The following HIRA variants were observed in gnomAD, a reference collection of about 807,000 sequenced individuals.
HIRA encodes protein HIRA.
A neutral mutation model predicts 126.6 loss-of-function variants in HIRA; 13 were observed. The ratio of observed to expected loss-of-function variants is 0.10; its 90% CI spans 0.07 to 0.16. HIRA has a LOEUF of 0.16. Among genes scored for constraint, HIRA ranks in the 10% least tolerant of loss-of-function variants. HIRA has a pLI of 1.00. For missense variants in HIRA, 834 were observed against 1,314.4 expected (o/e 0.63, Z 5.65); for synonymous variants, 511 against 520.0 (o/e 0.98, Z 0.24).
intron 24 of HIRA, among the ~76,000 whole-genome samples, chr22:19,336,967 A>G (rs1164240661): frequency 3.9e-5 from 6 of 152,254 alleles, no homozygotes; most frequent in Admixed American, 3.9e-4. Flanking sequence ...TTCTGGCAAT[A>G]ATGACAAAAC....
chr22:19,369,319 C>G (rs1035831427), intron 15 of HIRA, among the ~76,000 whole-genome samples: 3 of 152,160 alleles, frequency 2.0e-5, no homozygotes, highest in Non-Finnish European at 4.4e-5. Flanking sequence ...TAGGAAGTGC[C>G]AGTCAGGTTG....
At chr22:19,352,887 G>A (rs2088772825) in intron 23 of HIRA, among the ~76,000 whole-genome samples, 1 of 152,246 alleles carries the variant, frequency 6.6e-6, no homozygotes, top group South Asian at 2.1e-4. Flanking sequence ...CTGCAAGGGA[G>A]GCAGCAGAGT....
chr22:19,351,591 G>T lies in HIRA; in HGVS notation c.2849-145C>A. 1.5e-6 allele frequency: 1 copy of T among 654,526 alleles called. No individual in the cohort carries two copies. Among genetic ancestry groups the T allele is most frequent in the Non-Finnish European group, 2.6e-6 (1 of 386,862 alleles). The allele number at this position is 654,526 out of a possible 1,614,324, so 40.5% of individuals were successfully genotyped here. A position where few individuals can be genotyped will look rare whatever the true frequency, so the allele number is the denominator to read the frequency against. On this transcript the variant is annotated intron_variant, in intron 23 of 24. Transcript: ENST00000263208. The surrounding 1 kb of genome is among the most constrained non-coding windows in gnomAD (Gnocchi z 4.8). ...ATGCGTATTTTATTGCCTACTATGG[G>T]CAAGACGCCCCTGCATGTCTCTCAG... is the stretch of plus-strand genomic sequence containing the variant.
chr22:19,353,668 T>C, intron 22 of HIRA, 149 bp from the exon 23 acceptor site: 1 of 835,766 alleles, frequency 1.2e-6, no homozygotes, highest in Middle Eastern at 3.6e-4. Context: ...TGTTGGCAGA[T>C]GCCAGATCTG....
intron 8 of HIRA, 26 bp downstream of exon 8, chr22:19,394,316 C>T (rs756865028): frequency 2.5e-6 from 4 of 1,607,958 alleles, no homozygotes; most frequent in South Asian, 2.2e-5. Flanking sequence ...TGGAGCCCAT[C>T]TCCCTTTAGT....
At chr22:19,369,969 G>T (rs1020314353) in intron 15 of HIRA, among the ~76,000 whole-genome samples, 2 of 152,100 alleles carry the variant, frequency 1.3e-5, no homozygotes. Context: ...CCACTGATGG[G>T]TGTTTTCTTG....
At chr22:19,412,225 C>G (rs1028293695) in intron 1 of HIRA, among the ~76,000 whole-genome samples, 1 of 152,060 alleles carries the variant, frequency 6.6e-6, no homozygotes, top group African/African-American at 2.4e-5. Context: ...TGAAGAGGCC[C>G]AAGCTGGCCA....
intron 1 of HIRA, among the ~76,000 whole-genome samples, chr22:19,418,212 T>G (rs530639376): frequency 2.0e-5 from 3 of 152,156 alleles, no homozygotes; most frequent in African/African-American, 7.2e-5. Context: ...ATGATTAAGA[T>G]AGTAAATTTT....
In HIRA at chr22:19,431,670, C is replaced by T; in HGVS notation, c.-194G>A. 1 of 435,236 alleles carries T rather than the reference C, an allele frequency of 2.3e-6. No individual in the cohort carries two copies. Among genetic ancestry groups the T allele is most frequent in the Non-Finnish European group, 3.5e-6 (1 of 288,980 alleles). 27.0% of individuals were successfully genotyped at this position (435,236 alleles called of 1,614,324 possible). On this transcript the variant is annotated 5_prime_UTR_variant, in exon 1 of 25. Transcript: ENST00000263208. ...GCCACAGCCGCCACCCGCGCTCGGC[C>T]GCCGCCGCCGCCACCACAGCCGCAT...
chr22:19,361,056 G>A (rs2088858789), intron 17 of HIRA, among the ~76,000 whole-genome samples, 181 bp downstream of exon 17: 1 of 152,258 alleles, frequency 6.6e-6, no homozygotes, highest in South Asian at 2.1e-4. Context: ...TGAGAGTGGA[G>A]GCTGGCAATT....
chr22:19,380,521 C>T (rs1008447736), intron 13 of HIRA, among the ~76,000 whole-genome samples: 1 of 152,138 alleles, frequency 6.6e-6, no homozygotes, highest in Admixed American at 6.6e-5. Context: ...GCTTTTAAGT[C>T]TTAATTTCTG....
At chr22:19,388,857 G>C (rs538997775) in intron 9 of HIRA, among the ~76,000 whole-genome samples, 1 of 152,318 alleles carries the variant, frequency 6.6e-6, no homozygotes, top group East Asian at 1.9e-4. Context: ...GGTTTCTGAA[G>C]GGCTATGGTC....
At chr22:19,340,464 G>A (rs897201375) in intron 24 of HIRA, among the ~76,000 whole-genome samples, 2 of 152,060 alleles carry the variant, frequency 1.3e-5, no homozygotes, top group Non-Finnish European at 1.5e-5. Context: ...TAACAGACAA[G>A]GATGCCCACT....
intron 18 of HIRA, among the ~76,000 whole-genome samples, chr22:19,357,463 T>C (rs782631749): frequency 2.0e-5 from 3 of 152,178 alleles, no homozygotes; most frequent in Non-Finnish European, 4.4e-5. Context: ...CAAGGCAGGC[T>C]AAGAGAAGTA....
At chr22:19,385,439 C>A in intron 12 of HIRA, 82 bp downstream of exon 12, 1 of 1,370,600 alleles carries the variant, frequency 7.3e-7, no homozygotes, top group African/African-American at 1.4e-5. Flanking sequence ...CAAACCCCTT[C>A]CTTACCACCA....
chr22:19,423,482 TACACACAC>T (rs777914879), intron 1 of HIRA, among the ~76,000 whole-genome samples: 43 of 111,298 alleles, frequency 3.9e-4, no homozygotes, highest in East Asian at 1.3e-3. Context: ...CACACATGCA[TACACACAC>T]ACACACACAC....
intron 2 of HIRA, among the ~76,000 whole-genome samples, chr22:19,410,356 T>C (rs1229794742): frequency 6.6e-6 from 1 of 152,222 alleles, no homozygotes; most frequent in African/African-American, 2.4e-5. Context: ...CATTCCCTTT[T>C]TTCAGATGAG....
chr22:19,334,778 G>A (rs1459740513), intron 24 of HIRA, among the ~76,000 whole-genome samples: 1 of 152,072 alleles, frequency 6.6e-6, no homozygotes, highest in East Asian at 1.9e-4. Flanking sequence ...CTTATAAGCA[G>A]CATACAGCTG....
chr22:19,424,371 T>C (rs939918447), intron 1 of HIRA, among the ~76,000 whole-genome samples: 2 of 152,196 alleles, frequency 1.3e-5, no homozygotes, highest in Non-Finnish European at 2.9e-5. Flanking sequence ...CTTCTGCTTC[T>C]CACTGAAAAC....
Sources: allele counts gnomAD v4.1 joint callset (sites outside exome capture counted in the v4.1 genomes callset), GRCh38; gene constraint gnomAD v4.1.1; non-coding constraint Gnocchi (gnomAD v3.1); transcripts MANE v1.5; gene names NCBI Gene and HGNC (gene_info 2026-07-23, HGNC 2026-07-21).